Variants in ANKFN1 observed in about 807,000 individuals in gnomAD.
ANKFN1 encodes ankyrin repeat and fibronectin type-III domain-containing protein 1.
In ANKFN1, 74 loss-of-function variants were observed where a neutral mutation model predicts 108.7. That is an observed-to-expected ratio of 0.68 (90% confidence interval 0.56 to 0.83). The LOEUF is 0.83. ANKFN1 is among the 40% of genes least tolerant of loss of function. The pLI, the probability that ANKFN1 is intolerant of heterozygous loss-of-function variation, is 0.00. For synonymous variants in ANKFN1, 547 were observed against 516.2 expected (o/e 1.06, Z -0.81); for missense variants, 1,505 against 1,382.3 (o/e 1.09, Z -1.41).
intron 4 of ANKFN1, among the ~76,000 whole-genome samples, chr17:56,342,335 C>G (rs189312593): frequency 1.9e-4 from 28 of 150,730 alleles, no homozygotes; most frequent in African/African-American, 6.8e-4. Flanking sequence ...TTCTTGTCTT[C>G]TGCTAGCTTT....
chr17:56,189,581 T>C (rs1912675980), intron 1 of ANKFN1, among the ~76,000 whole-genome samples: 1 of 152,220 alleles, frequency 6.6e-6, no homozygotes, highest in Admixed American at 6.5e-5. Context: ...AACCTGGGAC[T>C]TTTGGGATCT....
At chr17:56,072,233 T>C (rs1264219641) in intron 4 of ANKFN1, among the ~76,000 whole-genome samples, 5 of 152,236 alleles carry the variant, frequency 3.3e-5, no homozygotes, top group Non-Finnish European at 7.3e-5. Context: ...TTTCAATTAA[T>C]CTGTTCAGTA....
At chr17:56,453,643 T>C (rs924568338) in intron 11 of ANKFN1, among the ~76,000 whole-genome samples, 5 of 152,218 alleles carry the variant, frequency 3.3e-5, no homozygotes, top group African/African-American at 9.6e-5. Flanking sequence ...GTTCCTTCTT[T>C]CTGTATTGCA....
chr17:56,342,089 G>T (rs1035536819), intron 4 of ANKFN1, among the ~76,000 whole-genome samples: 2 of 152,000 alleles, frequency 1.3e-5, no homozygotes, highest in African/African-American at 4.8e-5. Context: ...TGGTTTATGT[G>T]CATAGAGGTG....
chr17:56,204,900 C>G (rs1007064664), intron 1 of ANKFN1, among the ~76,000 whole-genome samples: 7 of 151,936 alleles, frequency 4.6e-5, no homozygotes, highest in African/African-American at 1.7e-4. Flanking sequence ...ACGGTGAAAC[C>G]CCGTCTCTAC....
chr17:56,099,000 C>T (rs998877309), intron 4 of ANKFN1, among the ~76,000 whole-genome samples: 1 of 152,134 alleles, frequency 6.6e-6, no homozygotes, highest in Admixed American at 6.6e-5. Flanking sequence ...CCGTCCACAC[C>T]TGCCAAGTTG....
At chr17:56,310,164 A>G (rs1201706163) in intron 3 of ANKFN1, among the ~76,000 whole-genome samples, 1 of 152,220 alleles carries the variant, frequency 6.6e-6, no homozygotes, top group African/African-American at 2.4e-5. Flanking sequence ...AGGTGGTGCA[A>G]GATTTCATCA....
At chr17:56,388,804 G>C (rs181580720) in intron 8 of ANKFN1, among the ~76,000 whole-genome samples, 3 of 152,018 alleles carry the variant, frequency 2.0e-5, no homozygotes, top group South Asian at 2.1e-4. Flanking sequence ...CCACTACATA[G>C]TAATAACTCA....
At chr17:56,488,205 A>G (rs1034603647) in intron 18 of ANKFN1, among the ~76,000 whole-genome samples, 3 of 152,210 alleles carry the variant, frequency 2.0e-5, no homozygotes, top group African/African-American at 7.2e-5. Context: ...TTAAACAATT[A>G]AGAGACTACC....
chr17:56,299,393 T>C (rs999282636), intron 3 of ANKFN1, among the ~76,000 whole-genome samples: 1 of 152,194 alleles, frequency 6.6e-6, no homozygotes, highest in Non-Finnish European at 1.5e-5. Flanking sequence ...GTTTTCAGGT[T>C]GTACCCATCC....
At chr17:56,332,005 T>C (rs1018923488) in intron 4 of ANKFN1, among the ~76,000 whole-genome samples, 2 of 152,110 alleles carry the variant, frequency 1.3e-5, no homozygotes, top group Non-Finnish European at 2.9e-5. Flanking sequence ...TAGCAAGCAA[T>C]AGAGAAGAAA....
intron 4 of ANKFN1, among the ~76,000 whole-genome samples, chr17:56,084,202 C>A (rs1296676926): frequency 6.6e-6 from 1 of 151,032 alleles, no homozygotes; most frequent in Non-Finnish European, 1.5e-5. Context: ...TAGGTTTAAC[C>A]AATGGGAGGC....
At chr17:56,058,785 C>T (rs1312311830) in intron 4 of ANKFN1, among the ~76,000 whole-genome samples, 3 of 152,098 alleles carry the variant, frequency 2.0e-5, no homozygotes, top group Non-Finnish European at 4.4e-5. Flanking sequence ...TATGGCTGTG[C>T]AGTATTCCAT....
intron 3 of ANKFN1, among the ~76,000 whole-genome samples, chr17:56,230,898 T>A (rs2143932001): frequency 6.6e-6 from 1 of 151,960 alleles, no homozygotes; most frequent in South Asian, 2.1e-4. Context: ...GGGGGTGAGG[T>A]GGGGAAAAAG....
At chr17:56,445,876 G>T (rs1389458625) in intron 10 of ANKFN1, among the ~76,000 whole-genome samples, 1 of 152,114 alleles carries the variant, frequency 6.6e-6, no homozygotes, top group Non-Finnish European at 1.5e-5. Context: ...TCGGCATTGT[G>T]TCACAGTTGA....
chr17:56,434,026 A>T (rs2048850614), intron 8 of ANKFN1, among the ~76,000 whole-genome samples: 1 of 152,028 alleles, frequency 6.6e-6, no homozygotes, highest in Non-Finnish European at 1.5e-5. Context: ...ACAGAGCAAG[A>T]CTCCATCTAA....
chr17:56,404,951 G>A (rs2047874930), intron 8 of ANKFN1, among the ~76,000 whole-genome samples: 1 of 152,208 alleles, frequency 6.6e-6, no homozygotes, highest in African/African-American at 2.4e-5. Flanking sequence ...GCAACCCAGA[G>A]AGTCTACCTA....
chr17:56,339,877 C>A lies in ANKFN1; in HGVS notation c.189-10889C>A, dbSNP rs779007921. 2.8e-4 allele frequency among the ~76,000 whole-genome samples: 42 copies of A among 152,076 alleles called. 1 individual carries two copies. Among genetic ancestry groups the A allele is most frequent in the Non-Finnish European group, 5.7e-4 (39 of 68,016 alleles). ...TGTCTTTAGGTCTTTGAGGAATCAC[C>A]ACACTGTTTTCCACAATGGCTGGAC... On this transcript the variant is annotated intron_variant, in intron 4 of 20. Coordinates refer to ENST00000682825, the MANE Select transcript of ANKFN1 (RefSeq NM_001370326.1).
At chr17:56,456,358 G>A (rs1456413041) in intron 11 of ANKFN1, among the ~76,000 whole-genome samples, 1 of 147,724 alleles carries the variant, frequency 6.8e-6, no homozygotes, top group Admixed American at 6.7e-5. Flanking sequence ...TGTTCATTGA[G>A]TTAACCACTG....
Sources: allele counts gnomAD v4.1 joint callset (sites outside exome capture counted in the v4.1 genomes callset), GRCh38; gene constraint gnomAD v4.1.1; transcripts MANE v1.5; gene names NCBI Gene and HGNC (gene_info 2026-07-23, HGNC 2026-07-21).